SKAP2: variants seen among roughly 807,000 people sequenced by gnomAD.
SKAP2 encodes the protein src kinase-associated phosphoprotein 2.
In SKAP2, 28 loss-of-function variants were observed where a neutral mutation model predicts 54.9. That is an observed-to-expected ratio of 0.51 (90% CI 0.38 to 0.70). The LOEUF (loss-of-function observed/expected upper bound fraction) is 0.70. Among genes scored for constraint, SKAP2 ranks in the 30% least tolerant of loss-of-function variants. The pLI is 0.00. For missense variants in SKAP2, 356 were observed against 424.1 expected (o/e 0.84, Z 1.41); for synonymous variants, 137 against 134.3 (o/e 1.02, Z -0.14).
intron 4 of SKAP2, among the ~76,000 whole-genome samples, chr7:26,771,397 CCTATCTA>C (rs1302463001): frequency 1.3e-5 from 2 of 152,108 alleles, no homozygotes; most frequent in Non-Finnish European, 2.9e-5. Flanking sequence ...TCCAATAAGA[CCTATCTA>C]CTGTACATCT....
chr7:26,775,250 TAAA>T (rs1210263991), intron 4 of SKAP2, among the ~76,000 whole-genome samples: 2 of 152,106 alleles, frequency 1.3e-5, no homozygotes, highest in Admixed American at 1.3e-4. Context: ...CTCCACAACA[TAAA>T]AACATGATCA....
chr7:26,655,442 T>G, the SKAP2 span, among the ~76,000 whole-genome samples: 1 of 152,216 alleles, frequency 6.6e-6, no homozygotes, highest in Admixed American at 6.5e-5. Context: ...CATTCAGGAA[T>G]ATATTTCTTG....
At chr7:26,832,655 G>C (rs896545417) in intron 4 of SKAP2, among the ~76,000 whole-genome samples, 8 of 151,618 alleles carry the variant, frequency 5.3e-5, no homozygotes, top group African/African-American at 1.9e-4. Flanking sequence ...CTCTAAAAAA[G>C]AAAAAAAGAA....
intron 6 of SKAP2, among the ~76,000 whole-genome samples, chr7:26,731,673 A>T (rs1787827322): frequency 6.6e-6 from 1 of 152,128 alleles, no homozygotes; most frequent in Admixed American, 6.5e-5. Flanking sequence ...AGATCATCTT[A>T]TCCCCACTCC....
chr7:26,823,466 C>G (rs554917100), intron 4 of SKAP2, among the ~76,000 whole-genome samples: 1 of 150,868 alleles, frequency 6.6e-6, no homozygotes, highest in South Asian at 2.1e-4. Flanking sequence ...GCAAAACAGC[C>G]TAATTACTGA....
chr7:26,848,707 T>A (rs1174815127), intron 3 of SKAP2, among the ~76,000 whole-genome samples: 1 of 152,198 alleles, frequency 6.6e-6, no homozygotes, highest in Non-Finnish European at 1.5e-5. Context: ...ATTCTCTACA[T>A]AGTTCACTTG....
chr7:26,687,720 C>A (rs1293715132), intron 10 of SKAP2, among the ~76,000 whole-genome samples: 4 of 152,020 alleles, frequency 2.6e-5, no homozygotes, highest in Non-Finnish European at 4.4e-5. Flanking sequence ...AAATTAAGCA[C>A]CGACAGCCTC....
chr7:26,693,616 A>T (rs1786836684), intron 9 of SKAP2, among the ~76,000 whole-genome samples: 1 of 152,210 alleles, frequency 6.6e-6, no homozygotes, highest in South Asian at 2.1e-4. Flanking sequence ...TTTACTTAAG[A>T]ATTAATGTTT....
At chr7:26,691,901 CTGT>C (rs1786791993) in intron 9 of SKAP2, among the ~76,000 whole-genome samples, 1 of 151,978 alleles carries the variant, frequency 6.6e-6, no homozygotes, top group Admixed American at 6.5e-5. Context: ...TTTGGACCAG[CTGT>C]TGAGGGGCCA....
At position 26,720,095 on chromosome 7, in the gene SKAP2, T is replaced by C. The variant is rs552530947; in HGVS notation, c.796+5333A>G. ...ACACACACACACACACACACACACA[T>C]CCCAGTTATGATAACCAAAAGTGTC... On this transcript the variant is annotated intron_variant, in intron 9 of 12. Transcript: ENST00000345317. 8.7e-3 allele frequency among the ~76,000 whole-genome samples: 1,101 copies of C among 127,058 alleles called. 13 individuals are homozygous for C. The highest frequency in any genetic ancestry group is 0.033 in the African/African-American group (1,025 of 31,292). The allele number at this position is 127,058 out of a possible 152,430, so 83.4% of individuals were successfully genotyped here.
intron 9 of SKAP2, among the ~76,000 whole-genome samples, chr7:26,719,716 A>C (rs1440829359): frequency 6.6e-6 from 1 of 152,192 alleles, no homozygotes; most frequent in Non-Finnish European, 1.5e-5. Context: ...TAGAATTTCA[A>C]TACTACTCCT....
At chr7:26,665,154 G>T (rs1031462855), downstream of SKAP2, among the ~76,000 whole-genome samples, 4 of 152,146 alleles carry the variant, frequency 2.6e-5, no homozygotes, top group African/African-American at 9.7e-5. Context: ...TGCAGGAAAG[G>T]CTTCTCTGAT....
intron 4 of SKAP2, among the ~76,000 whole-genome samples, chr7:26,810,230 G>A (rs1214193645): frequency 2.6e-5 from 4 of 151,846 alleles, no homozygotes; most frequent in Non-Finnish European, 5.9e-5. Flanking sequence ...AACCACTCAG[G>A]AGGCTAAGGC....
chr7:26,858,775 A>AT (rs1316851538), intron 1 of SKAP2, among the ~76,000 whole-genome samples: 2 of 152,126 alleles, frequency 1.3e-5, no homozygotes, highest in Admixed American at 1.3e-4. Context: ...AACAGTTTAA[A>AT]TTTTTTTGCA....
intron 4 of SKAP2, among the ~76,000 whole-genome samples, chr7:26,772,842 T>C (rs1197198206): frequency 6.6e-6 from 1 of 152,234 alleles, no homozygotes; most frequent in Non-Finnish European, 1.5e-5. Flanking sequence ...GTTATACATG[T>C]TCATTCTGCT....
intron 4 of SKAP2, among the ~76,000 whole-genome samples, chr7:26,759,967 G>GA (rs3839812): frequency 0.43 from 65,157 of 151,784 alleles, 14,455 homozygotes; most frequent in Middle Eastern, 0.49. Context: ...AGCTTTGAGT[G>GA]AAAAAAAGAT....
intron 9 of SKAP2, among the ~76,000 whole-genome samples, chr7:26,711,492 T>G (rs1787302718): frequency 6.6e-6 from 1 of 152,202 alleles, no homozygotes; most frequent in Non-Finnish European, 1.5e-5. Context: ...TGTGTGCTAT[T>G]TGGCTGGATT....
rs1016500075 is a variant in SKAP2 at position 26,675,698 on chromosome 7, T to C, written c.988-5506A>G. Among the ~76,000 whole-genome samples the C allele has an allele frequency of 3.3e-5, 5 of 152,236 alleles. No individual in the cohort carries two copies. In the South Asian group the frequency reaches 1.0e-3, roughly 31 times the overall value. ...ATAGTAATGTATTTTCTTTTGTGTA[T>C]ATTAGGCATAGTTAAAGAATTGTAG... is the stretch of plus-strand genomic sequence containing the variant. On this transcript the variant is annotated intron_variant, in intron 11 of 12. Transcript: ENST00000345317.
At chr7:26,815,237 T>C (rs1000494995) in intron 4 of SKAP2, among the ~76,000 whole-genome samples, 9 of 152,086 alleles carry the variant, frequency 5.9e-5, no homozygotes, top group African/African-American at 2.2e-4. Context: ...CAAATTCAAA[T>C]AATTTAAAAA....
Sources: allele counts gnomAD v4.1 joint callset (sites outside exome capture counted in the v4.1 genomes callset), GRCh38; gene constraint gnomAD v4.1.1; transcripts MANE v1.5; gene names NCBI Gene and HGNC (gene_info 2026-07-23, HGNC 2026-07-21).